The following KALRN variants were observed in gnomAD, a reference collection of about 807,000 sequenced individuals.
KALRN encodes kalirin.
In KALRN, 70 loss-of-function variants were observed where a neutral mutation model predicts 353.7. The observed-to-expected ratio is 0.20, with a 90% confidence interval of 0.16 to 0.24. The LOEUF (loss-of-function observed/expected upper bound fraction) is 0.24. KALRN is among the 10% of genes least tolerant of loss of function. The pLI is 1.00. For missense variants in KALRN, 2,791 were observed against 3,756.7 expected (o/e 0.74, Z 6.72); for synonymous variants, 1,391 against 1,434.8 (o/e 0.97, Z 0.69).
chr3:124,685,050 C>CA (rs1267017663), intron 51 of KALRN, among the ~76,000 whole-genome samples: 2 of 152,156 alleles, frequency 1.3e-5, no homozygotes, highest in African/African-American at 4.8e-5. Flanking sequence ...GCCAGGTGAC[C>CA]AACCTCCTGG....
rs1354311242 is a variant in KALRN at position 124,366,875 on chromosome 3, GC to G, written c.1771-17969del. ...CCTCCCGGACGGGGCGGCTGGCCGG[GC>G]GGGGGGCTGACCCCCCCACCTCCCT... On this transcript the variant is annotated intron_variant, in intron 10 of 59. Coordinates refer to ENST00000682506, the MANE Select transcript of KALRN (RefSeq NM_001388419.1). Among the ~76,000 whole-genome samples the G allele has an allele frequency of 7.3e-5, 10 of 136,250 alleles. 1 individual carries two copies. Among genetic ancestry groups the G allele is most frequent in the African/African-American group, 3.1e-4 (10 of 32,050 alleles). The allele number at this position is 136,250 out of a possible 152,430, so 89.4% of individuals were successfully genotyped here.
chr3:124,049,308 CG>C (rs1404961574), intron 1 of KALRN, among the ~76,000 whole-genome samples: 34 of 152,240 alleles, frequency 2.2e-4, no homozygotes, highest in Admixed American at 1.9e-3. Context: ...GGATGTCATT[CG>C]GGAGACCTTG....
intron 1 of KALRN, among the ~76,000 whole-genome samples, chr3:124,121,018 C>T (rs896410161): frequency 3.6e-5 from 5 of 138,276 alleles, no homozygotes; most frequent in Admixed American, 8.3e-5. Context: ...TGCTTGAACC[C>T]GAGAGGCAGA....
At chr3:124,386,025 T>A (rs2088244229) in intron 11 of KALRN, among the ~76,000 whole-genome samples, 1 of 152,180 alleles carries the variant, frequency 6.6e-6, no homozygotes, top group Admixed American at 6.5e-5. Context: ...TCTTGGTTGT[T>A]ACTGCTTCAC....
intron 37 of KALRN, among the ~76,000 whole-genome samples, chr3:124,643,395 G>T (rs1172140406): frequency 2.6e-5 from 4 of 152,104 alleles, no homozygotes; most frequent in Non-Finnish European, 5.9e-5. Flanking sequence ...TTTCAACTGT[G>T]TATTGTCCCT....
intron 27 of KALRN, among the ~76,000 whole-genome samples, chr3:124,479,256 G>A (rs956016730): frequency 6.6e-6 from 1 of 152,058 alleles, no homozygotes; most frequent in Non-Finnish European, 1.5e-5. Flanking sequence ...CCTATACCCC[G>A]TTTCCAACAT....
chr3:124,160,884 C>T (rs1376679241), intron 1 of KALRN, among the ~76,000 whole-genome samples: 1 of 152,044 alleles, frequency 6.6e-6, no homozygotes, highest in African/African-American at 2.4e-5. Context: ...ATTTTGTAAA[C>T]CTTAAAATGC....
chr3:124,375,437 C>T (rs2086458006), intron 10 of KALRN, among the ~76,000 whole-genome samples: 1 of 152,192 alleles, frequency 6.6e-6, no homozygotes, highest in Non-Finnish European at 1.5e-5. Flanking sequence ...CTAGTCCTGG[C>T]TCCCCTAGGC....
chr3:124,646,412 A>ATTTTTTTTTTTTTTTTTTTTTTTTT (rs1559758779), intron 37 of KALRN, among the ~76,000 whole-genome samples: 12 of 125,532 alleles, frequency 9.6e-5, no homozygotes, highest in Admixed American at 1.7e-4. Context: ...TTTTTTTGAG[A>ATTTTTTTTTTTTTTTTTTTTTTTTT]CAGAGCCTTG....
At chr3:124,664,362 TGTGTGTGTGCGC>T (rs1311379853) in intron 45 of KALRN, among the ~76,000 whole-genome samples, 4 of 120,042 alleles carry the variant, frequency 3.3e-5, no homozygotes, top group South Asian at 2.4e-4. Context: ...TGTGTGTGTG[TGTGTGTGTGCGC>T]GCGCGCGCAT....
intron 26 of KALRN, 67 bp from the exon 27 acceptor site, chr3:124,477,178 T>A (rs1442060034): frequency 8.4e-7 from 1 of 1,187,578 alleles, no homozygotes; most frequent in African/African-American, 1.5e-5. Flanking sequence ...TGCTGGGTCC[T>A]TCAGCATGGT....
intron 1 of KALRN, among the ~76,000 whole-genome samples, chr3:124,172,465 A>C (rs1490132572): frequency 6.6e-6 from 1 of 152,212 alleles, no homozygotes; most frequent in Non-Finnish European, 1.5e-5. Context: ...TGATGCACAG[A>C]GAATCTAGTC....
intron 5 of KALRN, among the ~76,000 whole-genome samples, chr3:124,271,448 C>T (rs1221444505): frequency 6.6e-6 from 1 of 152,184 alleles, no homozygotes; most frequent in Non-Finnish European, 1.5e-5. Flanking sequence ...CTGCCAAGTT[C>T]CATTCAACAG....
Position 124,438,994 on chromosome 3 carries a change from C to T in KALRN, c.3155C>T (p.Pro1052Leu). The change falls in exon 18 of 60, where the codon CCC becomes CTC. Residue 1052 changes from proline (P) to leucine (L), a missense_variant. By Grantham distance (98) the Pro-to-Leu change is moderately conservative. This residue lies in a region of KALRN where 452 missense variants were observed against 575.8 expected (regional missense o/e 0.78). Transcript: ENST00000682506. ...GCAGCAGAGATCGACCATGTCATTC[C>T]CCTCATCAGCAAACATTTGGAACAA... Reference protein sequence around the residue: ...GPAAEIDHVIPLISKHLEQKE... With the variant: ...GPAAEIDHVILLISKHLEQKE... 1.2e-6 allele frequency: 2 copies of T among 1,614,016 alleles called. No homozygotes were observed. The highest frequency in any genetic ancestry group is 1.1e-5 in the South Asian group (1 of 91,056).
intron 51 of KALRN, among the ~76,000 whole-genome samples, chr3:124,689,321 C>CCT (rs1412017255): frequency 1.3e-5 from 2 of 152,098 alleles, no homozygotes; most frequent in African/African-American, 4.8e-5. Flanking sequence ...CTCAGGCAAT[C>CCT]CTCCCACCTC....
intron 5 of KALRN, among the ~76,000 whole-genome samples, chr3:124,285,708 G>A (rs1158385482): frequency 6.6e-6 from 1 of 152,016 alleles, no homozygotes; most frequent in Non-Finnish European, 1.5e-5. Context: ...GCTAATTTTT[G>A]TATTTTTAGT....
At chr3:124,630,836 AAAC>A (rs1222443022) in intron 34 of KALRN, among the ~76,000 whole-genome samples, 1 of 152,230 alleles carries the variant, frequency 6.6e-6, no homozygotes, top group Non-Finnish European at 1.5e-5. Context: ...TTAAAAAACA[AAAC>A]AAAACAAAAC....
At position 124,674,631 on chromosome 3, in the gene KALRN, C is replaced by T. The variant is rs1478720331; in HGVS notation, c.7193+17C>T. ...GAGCATCAAGTAAGTGCCTCGTTGG[C>T]TTCCCCGGGAGAGGAGTATGAGGAT... is the stretch of plus-strand genomic sequence containing the variant. On this transcript the variant is annotated intron_variant, in intron 49 of 59. Transcript: ENST00000682506. 2.6e-6 allele frequency: 4 copies of T among 1,561,694 alleles called. No homozygotes were observed. Among genetic ancestry groups the T allele is most frequent in the Non-Finnish European group, 2.6e-6 (3 of 1,151,828 alleles).
chr3:124,234,095 A>T (rs1007913466), intron 2 of KALRN, among the ~76,000 whole-genome samples: 1 of 152,222 alleles, frequency 6.6e-6, no homozygotes, highest in Non-Finnish European at 1.5e-5. Flanking sequence ...TCATTTTGGT[A>T]TACTCCTTCC....
Sources: allele counts gnomAD v4.1 joint callset (sites outside exome capture counted in the v4.1 genomes callset), GRCh38; gene constraint gnomAD v4.1.1; regional missense constraint gnomAD v4.1.1; transcripts MANE v1.5; gene names NCBI Gene and HGNC (gene_info 2026-07-23, HGNC 2026-07-21).